Variants in NNT observed in about 807,000 individuals in gnomAD.
The protein encoded by NNT is nicotinamide nucleotide transhydrogenase, also known as NAD(P) transhydrogenase, mitochondrial.
A neutral mutation model predicts 104.8 loss-of-function variants in NNT; 50 were observed. The observed-to-expected ratio is 0.48, with a 90% CI of 0.38 to 0.60. The LOEUF (loss-of-function observed/expected upper bound fraction) is 0.60. Among genes scored for constraint, NNT ranks in the 20% least tolerant of loss-of-function variants. The pLI, the probability that NNT is intolerant of heterozygous loss-of-function variation, is 0.00. For synonymous variants in NNT, 461 were observed against 490.4 expected (o/e 0.94, Z 0.79); for missense variants, 1,131 against 1,330.7 (o/e 0.85, Z 2.33).
At chr5:43,621,818 G>A (rs1238316090) in intron 5 of NNT, among the ~76,000 whole-genome samples, 1 of 152,154 alleles carries the variant, frequency 6.6e-6, no homozygotes, top group Non-Finnish European at 1.5e-5. Flanking sequence ...GGTGAGATTT[G>A]AAGCATGGAA....
At chr5:43,643,237 A>G (rs1751329028) in intron 7 of NNT, among the ~76,000 whole-genome samples, 1 of 152,182 alleles carries the variant, frequency 6.6e-6, no homozygotes, top group African/African-American at 2.4e-5. Flanking sequence ...CTTCCATACT[A>G]CTAACATTAC....
chr5:43,660,837 C>T (rs909117053), intron 17 of NNT, among the ~76,000 whole-genome samples: 2 of 152,280 alleles, frequency 1.3e-5, no homozygotes, highest in South Asian at 2.1e-4. Flanking sequence ...TCACCTTCCA[C>T]CAGGTCCCCC....
At position 43,628,189 on chromosome 5, in the gene NNT, A is replaced by G. The variant is rs746831453; in HGVS notation, c.777-11A>G. Reference sequence around the variant, plus strand: ...AAATAACTACTCTTTCCACTTTAACAATCACCCTAGAGCTGCAGCTTTGGA... The same window carrying G: ...AAATAACTACTCTTTCCACTTTAACGATCACCCTAGAGCTGCAGCTTTGGA... On this transcript the variant is annotated splice_polypyrimidine_tract_variant and intron_variant, in intron 6 of 21. Transcript: ENST00000344920. 2 of 1,526,546 alleles carry G rather than the reference A, an allele frequency of 1.3e-6. No homozygotes were observed. The highest frequency in any genetic ancestry group is 2.8e-5 in the African/African-American group (2 of 70,922). The allele number at this position is 1,526,546 out of a possible 1,614,324, so 94.6% of individuals were successfully genotyped here.
chr5:43,638,929 A>T (rs1751079686), intron 7 of NNT, among the ~76,000 whole-genome samples: 1 of 151,972 alleles, frequency 6.6e-6, no homozygotes, highest in Admixed American at 6.6e-5. Context: ...TCCCATTAAG[A>T]TAGAATCTGG....
In NNT at chr5:43,613,451, C is replaced by T. The variant is rs534886774; in HGVS notation, c.381+314C>T. 2.8e-4 allele frequency: 58 copies of T among 207,966 alleles called. No homozygotes were observed. In the South Asian group the frequency reaches 5.2e-3, roughly 19 times the overall value. The allele number at this position is 207,966 out of a possible 1,614,324, so 12.9% of individuals were successfully genotyped here. On this transcript the variant is annotated intron_variant, in intron 3 of 21. Transcript: ENST00000344920. Reference sequence around the variant, plus strand: ...TCCATATATATCCAGAGTACCCACACGTGAACATTTACTGCTAGAATGGAA... The same window carrying T: ...TCCATATATATCCAGAGTACCCACATGTGAACATTTACTGCTAGAATGGAA...
intron 9 of NNT, among the ~76,000 whole-genome samples, chr5:43,645,106 T>C (rs1739309866): frequency 6.6e-6 from 1 of 152,228 alleles, no homozygotes; most frequent in African/African-American, 2.4e-5. Flanking sequence ...GGGTTTAATT[T>C]GCACTCTTGC....
intron 19 of NNT, among the ~76,000 whole-genome samples, chr5:43,687,857 A>G (rs1361754467): frequency 6.6e-6 from 1 of 152,200 alleles, no homozygotes; most frequent in Non-Finnish European, 1.5e-5. Flanking sequence ...TTAATTTCTA[A>G]TTTGGTCCAA....
At position 43,666,929 on chromosome 5, in the gene NNT, G is replaced by A. The variant is rs1368994385; in HGVS notation, c.2634+7579G>A. ...GCACAAACACGCTTCCCAAGCTTGG[G>A]GTGGGCAATGTAGGCAAGTGGATCG... On this transcript the variant is annotated intron_variant, in intron 17 of 21. Transcript: ENST00000344920. 1.9e-5 allele frequency: 30 copies of A among 1,582,428 alleles called. No individual in the cohort carries two copies. In the East Asian group the frequency reaches 6.0e-4, roughly 32 times the overall value.
At position 43,651,723 on chromosome 5, in the gene NNT, C is replaced by G; in HGVS notation, c.1718-16C>G. 6.2e-7 allele frequency: 1 copy of G among 1,612,460 alleles called. No homozygotes were observed. The highest frequency in any genetic ancestry group is 8.5e-7 in the Non-Finnish European group (1 of 1,179,458). On this transcript the variant is annotated splice_polypyrimidine_tract_variant and intron_variant, in intron 12 of 21. Transcript: ENST00000344920. ...CAAAGAGGTACTATGTTTTTTATTTCCTTTGGTTTGCTAAGGTGGCTTTCT... is the reference window on the plus strand; with the variant it reads ...CAAAGAGGTACTATGTTTTTTATTTGCTTTGGTTTGCTAAGGTGGCTTTCT...
At chr5:43,623,995 T>C (rs1750231166) in intron 5 of NNT, 37 bp from the exon 6 acceptor site, 1 of 1,583,622 alleles carries the variant, frequency 6.3e-7, no homozygotes, top group South Asian at 1.1e-5. Flanking sequence ...TATTAGTTGA[T>C]AATGAGCCTT....
At chr5:43,630,406 T>G (rs1750614706) in intron 7 of NNT, among the ~76,000 whole-genome samples, 1 of 152,220 alleles carries the variant, frequency 6.6e-6, no homozygotes, top group Non-Finnish European at 1.5e-5. Flanking sequence ...AGATGACTGT[T>G]ATTAATATTT....
chr5:43,654,216 T>C (rs1198056308), intron 14 of NNT, among the ~76,000 whole-genome samples: 4 of 152,190 alleles, frequency 2.6e-5, no homozygotes, highest in Non-Finnish European at 5.9e-5. Flanking sequence ...TTCAATGACA[T>C]CACATTGGTA....
chr5:43,620,389 T>G (rs1750018797), intron 5 of NNT, among the ~76,000 whole-genome samples: 1 of 151,742 alleles, frequency 6.6e-6, no homozygotes, highest in African/African-American at 2.4e-5. Flanking sequence ...CCGGTTAATT[T>G]TTTTGTATTT....
chr5:43,648,148 G>T, intron 10 of NNT: 2 of 1,141,458 alleles, frequency 1.8e-6, no homozygotes, highest in Non-Finnish European at 2.2e-6. Context: ...TGGTTAATGG[G>T]CTATGCACTG....
In NNT at chr5:43,653,112, T is replaced by C. The variant is rs1371890501; in HGVS notation, c.1958T>C (p.Ile653Thr). The C allele has an allele frequency of 3.1e-6, 5 of 1,614,038 alleles. No homozygotes were observed. The highest frequency in any genetic ancestry group is 1.3e-5 in the African/African-American group (1 of 74,998). ...TARLGNALGMIGVAGGLAATL... is the reference protein window; with the variant it reads ...TARLGNALGMTGVAGGLAATL... ...CGTCTTGGCAATGCACTGGGCATGATTGGGGTTGCTGGAGGACTGGCAGCC... is the reference window on the plus strand; with the variant it reads ...CGTCTTGGCAATGCACTGGGCATGACTGGGGTTGCTGGAGGACTGGCAGCC... Residue 653 changes from isoleucine (I) to threonine (T), a missense_variant, in exon 14 of 22, where the codon ATT (isoleucine) becomes ACT (threonine). Ile to Thr is a moderately conservative substitution (Grantham distance 89). Transcript: ENST00000344920.
At chr5:43,694,696 G>A (rs1742464299) in intron 19 of NNT, among the ~76,000 whole-genome samples, 1 of 151,160 alleles carries the variant, frequency 6.6e-6, no homozygotes, top group African/African-American at 2.4e-5. Flanking sequence ...ATTTTGTTGA[G>A]GATTTTTGCA....
rs1273798624 is a variant in NNT, at chr5:43,619,055, C to A, written c.623C>A (p.Ala208Glu). ...IAGYKAVVLAANHFGRFFTGQ... is the reference protein window; with the variant it reads ...IAGYKAVVLAENHFGRFFTGQ... ...AGTTATAAGGCTGTTGTCCTAGCAG[C>A]AAATCATTTTGGACGTTTTTTTACT... The change falls in exon 5 of 22, where the codon GCA becomes GAA. Residue 208 changes from alanine to glutamate, a missense_variant. Transcript: ENST00000344920. 1 of 1,549,898 alleles carries A rather than the reference C, an allele frequency of 6.5e-7. No individual in the cohort carries two copies.
At chr5:43,680,771 T>C (rs1422779703) in intron 19 of NNT, among the ~76,000 whole-genome samples, 3 of 152,170 alleles carry the variant, frequency 2.0e-5, no homozygotes, top group African/African-American at 7.2e-5. Context: ...CTTAGACTTT[T>C]GTTAGTGGCC....
chr5:43,665,985 A>G (rs933075304), intron 17 of NNT, among the ~76,000 whole-genome samples: 4 of 148,308 alleles, frequency 2.7e-5, no homozygotes, highest in Admixed American at 6.7e-5. Context: ...CGCTCTTCAC[A>G]TCTCAGACGG....
Sources: gnomAD v4.1 joint callset for allele counts (sites outside exome capture counted in the v4.1 genomes callset) on GRCh38, gnomAD v4.1.1 for gene constraint, MANE v1.5 for transcripts, NCBI Gene and HGNC (gene_info 2026-07-23, HGNC 2026-07-21) for gene names.